The following ARB2A variants were observed in gnomAD, a reference collection of about 807,000 sequenced individuals.
The protein encoded by ARB2A is cotranscriptional regulator ARB2A.
chr5:94,038,914 G>T, the ARB2A span, among the ~76,000 whole-genome samples: 2 of 151,782 alleles, frequency 1.3e-5, no homozygotes, highest in African/African-American at 4.8e-5. Flanking sequence ...TATTTATTAA[G>T]GCAGACTTTC....
chr5:93,833,382 G>A, the ARB2A span, among the ~76,000 whole-genome samples: 1 of 152,148 alleles, frequency 6.6e-6, no homozygotes, highest in Non-Finnish European at 1.5e-5. Flanking sequence ...CAAAAGACTG[G>A]TGGTCAAAGA....
the ARB2A span, among the ~76,000 whole-genome samples, chr5:93,632,383 G>A: frequency 2.6e-5 from 4 of 152,192 alleles, no homozygotes; most frequent in South Asian, 8.3e-4. Flanking sequence ...GCTCTAAGGA[G>A]GAAAGAAGTT....
the ARB2A span, among the ~76,000 whole-genome samples, chr5:94,088,427 C>A: frequency 6.6e-6 from 1 of 152,120 alleles, no homozygotes; most frequent in South Asian, 2.1e-4. Context: ...ACACCTATAA[C>A]CCCAGCACCT....
At chr5:93,925,330 G>C in the ARB2A span, among the ~76,000 whole-genome samples, 6 of 152,110 alleles carry the variant, frequency 3.9e-5, no homozygotes, top group African/African-American at 1.4e-4. Flanking sequence ...AAAGATTCTT[G>C]AGAATGAGAA....
At chr5:93,828,737 A>C in the ARB2A span, among the ~76,000 whole-genome samples, 7 of 151,998 alleles carry the variant, frequency 4.6e-5, no homozygotes, top group Admixed American at 2.0e-4. Flanking sequence ...GAATCCTCCT[A>C]TTTTCTCACT....
chr5:93,787,076 G>A, the ARB2A span, among the ~76,000 whole-genome samples: 1 of 152,130 alleles, frequency 6.6e-6, no homozygotes, highest in South Asian at 2.1e-4. Context: ...TAAACAACTT[G>A]AAATTCCTTG....
the ARB2A span, chr5:93,866,183 G>C: frequency 1.0e-6 from 1 of 985,356 alleles, no homozygotes; most frequent in East Asian, 1.1e-4. Flanking sequence ...TTTATCAGCA[G>C]TCTGTACAAG....
the ARB2A span, among the ~76,000 whole-genome samples, chr5:93,989,350 C>T: frequency 6.6e-6 from 1 of 152,020 alleles, no homozygotes; most frequent in African/African-American, 2.4e-5. Context: ...TATGTGATTT[C>T]TATCTGTGAC....
the ARB2A span, among the ~76,000 whole-genome samples, chr5:93,817,761 C>T: frequency 9.2e-5 from 14 of 152,056 alleles, no homozygotes; most frequent in African/African-American, 3.1e-4. Context: ...AACTAAATAT[C>T]CATATTCAAA....
the ARB2A span, among the ~76,000 whole-genome samples, chr5:93,690,834 C>T: frequency 1.3e-5 from 2 of 152,082 alleles, no homozygotes; most frequent in African/African-American, 2.4e-5. Context: ...ATGAAGCTTC[C>T]AGAGGAAGGA....
the ARB2A span, among the ~76,000 whole-genome samples, chr5:93,628,326 G>C: frequency 1.7e-3 from 264 of 152,196 alleles, no homozygotes; most frequent in Admixed American, 3.1e-3. Context: ...TGGGATTACA[G>C]GCATGAGCCA....
chr5:93,740,684 G>A, the ARB2A span: 15 of 1,613,756 alleles, frequency 9.3e-6, no homozygotes, highest in South Asian at 1.1e-4. Context: ...CCCAGTCCCA[G>A]GTGAAAGCAC....
At chr5:93,918,039 CCTTTTTGTTAATGACT>C in the ARB2A span, among the ~76,000 whole-genome samples, 2 of 152,152 alleles carry the variant, frequency 1.3e-5, no homozygotes, top group Non-Finnish European at 2.9e-5. Context: ...TTAACTTGTC[CCTTTTTGTTAATGACT>C]CTCAATGTGG....
chr5:93,757,748 A>C, the ARB2A span, among the ~76,000 whole-genome samples: 2 of 152,312 alleles, frequency 1.3e-5, no homozygotes, highest in African/African-American at 4.8e-5. Flanking sequence ...CAAATCCTGG[A>C]AACACATCAA....
At chr5:93,740,326 T>C in the ARB2A span, 1 of 461,758 alleles carries the variant, frequency 2.2e-6, no homozygotes. Context: ...ATCTATATAC[T>C]GTAATGTACC....
chr5:94,099,347 G>A, the ARB2A span, among the ~76,000 whole-genome samples: 1 of 151,938 alleles, frequency 6.6e-6, no homozygotes, highest in East Asian at 1.9e-4. Context: ...AAATGTGGCT[G>A]GGCACGGTGG....
the ARB2A span, among the ~76,000 whole-genome samples, chr5:93,817,781 T>C: frequency 1.3e-5 from 2 of 152,088 alleles, no homozygotes; most frequent in Non-Finnish European, 2.9e-5. Context: ...AAGAATTAAA[T>C]TGGACCCTTA....
the ARB2A span, among the ~76,000 whole-genome samples, chr5:93,927,347 T>C: frequency 6.6e-6 from 1 of 152,152 alleles, no homozygotes; most frequent in East Asian, 1.9e-4. Flanking sequence ...CTAGTCTCCA[T>C]GTGGACTAAT....
chr5:94,028,990 G>A, the ARB2A span, among the ~76,000 whole-genome samples: 1 of 152,178 alleles, frequency 6.6e-6, no homozygotes, highest in East Asian at 1.9e-4. Flanking sequence ...TTGGGTGGCG[G>A]GGGGAGGGAG....
Sources: gnomAD v4.1 joint callset for allele counts (sites outside exome capture counted in the v4.1 genomes callset) on GRCh38, gnomAD v4.1.1 for gene constraint, MANE v1.5 for transcripts, NCBI Gene and HGNC (gene_info 2026-07-23, HGNC 2026-07-21) for gene names.